Variants in DPP10 observed in about 807,000 individuals in gnomAD.
DPP10 encodes inactive dipeptidyl peptidase 10.
In DPP10, 33 loss-of-function variants were observed where a neutral mutation model predicts 120.9. The observed-to-expected ratio is 0.27, with a 90% CI of 0.21 to 0.37. DPP10 has a LOEUF of 0.37. Ranked by LOEUF, DPP10 falls within the 10% of genes least tolerant of loss-of-function variation. DPP10 has a pLI of 1.00. For synonymous variants in DPP10, 337 were observed against 326.1 expected (o/e 1.03, Z -0.36); for missense variants, 816 against 942.8 (o/e 0.87, Z 1.76).
chr2:115,685,543 GA>G (rs761878606), intron 5 of DPP10, among the ~76,000 whole-genome samples: 3 of 151,862 alleles, frequency 2.0e-5, no homozygotes, highest in Non-Finnish European at 4.4e-5. Context: ...CCTCATTTAT[GA>G]ACTTGCACAT....
At chr2:115,184,989 G>C (rs1258772842) in intron 1 of DPP10, among the ~76,000 whole-genome samples, 2 of 152,170 alleles carry the variant, frequency 1.3e-5, no homozygotes, top group Non-Finnish European at 1.5e-5. Context: ...TTATATAGCT[G>C]TCCTTTGTTG....
intron 5 of DPP10, among the ~76,000 whole-genome samples, chr2:115,534,038 T>A (rs1034672937): frequency 8.5e-5 from 13 of 152,096 alleles, no homozygotes; most frequent in Admixed American, 2.0e-4. Flanking sequence ...CATTTTTTGG[T>A]GAAAGTTACT....
intron 1 of DPP10, among the ~76,000 whole-genome samples, chr2:115,197,275 C>G (rs571074899): frequency 3.3e-5 from 5 of 152,042 alleles, no homozygotes; most frequent in Middle Eastern, 3.4e-3. Context: ...ACCTGTAGTC[C>G]CAGCTACTCA....
At chr2:114,573,151 G>A (rs1175625282) in intron 1 of DPP10, among the ~76,000 whole-genome samples, 1 of 152,046 alleles carries the variant, frequency 6.6e-6, no homozygotes, top group Non-Finnish European at 1.5e-5. Context: ...CCCAGCTAAT[G>A]TTTCCAGTTT....
chr2:115,829,200 A>T (rs1410040511), intron 21 of DPP10, among the ~76,000 whole-genome samples: 3 of 152,172 alleles, frequency 2.0e-5, no homozygotes, highest in Admixed American at 2.0e-4. Context: ...TTTAATAGAG[A>T]TGAGAGAGAT....
At chr2:115,102,655 C>T (rs912791398) in intron 1 of DPP10, among the ~76,000 whole-genome samples, 6 of 151,780 alleles carry the variant, frequency 4.0e-5, no homozygotes, top group South Asian at 4.2e-4. Flanking sequence ...GTGATCCACC[C>T]GCCTCGGCCT....
intron 3 of DPP10, among the ~76,000 whole-genome samples, chr2:115,408,405 A>G (rs1203014085): frequency 1.3e-5 from 2 of 152,042 alleles, no homozygotes; most frequent in Non-Finnish European, 2.9e-5. Flanking sequence ...AGGCTGTTTT[A>G]GTCTTGAAGG....
intron 1 of DPP10, among the ~76,000 whole-genome samples, chr2:115,096,117 A>T (rs752593825): frequency 1.3e-5 from 2 of 152,100 alleles, no homozygotes; most frequent in Non-Finnish European, 2.9e-5. Context: ...CAACACTTAG[A>T]CCCATAGTTC....
At chr2:114,535,149 T>C (rs1409195704) in intron 1 of DPP10, among the ~76,000 whole-genome samples, 2 of 152,152 alleles carry the variant, frequency 1.3e-5, no homozygotes, top group East Asian at 3.9e-4. Context: ...ACAAAATTAA[T>C]GTATGTGTTT....
intron 5 of DPP10, among the ~76,000 whole-genome samples, chr2:115,648,370 T>A (rs2149369647): frequency 1.3e-5 from 2 of 152,176 alleles, no homozygotes; most frequent in Middle Eastern, 3.4e-3. Flanking sequence ...TGACGATAGT[T>A]CATATCAATG....
At chr2:114,993,152 A>G (rs192887369) in intron 1 of DPP10, among the ~76,000 whole-genome samples, 1 of 152,272 alleles carries the variant, frequency 6.6e-6, no homozygotes, top group Admixed American at 6.5e-5. Context: ...AGAGTCAATA[A>G]CAAGAACAAC....
At chr2:115,452,945 A>G (rs927804604) in intron 3 of DPP10, among the ~76,000 whole-genome samples, 2 of 151,814 alleles carry the variant, frequency 1.3e-5, no homozygotes, top group Non-Finnish European at 2.9e-5. Context: ...CAATAGTAAG[A>G]ATTTTTACTT....
intron 1 of DPP10, among the ~76,000 whole-genome samples, chr2:115,045,253 G>T (rs370858912): frequency 1.2e-3 from 178 of 152,034 alleles, no homozygotes; most frequent in Non-Finnish European, 2.3e-3. Context: ...TTCTCTCCTG[G>T]ACTGATATAT....
chr2:114,913,574 A>T (rs1479220988), intron 1 of DPP10, among the ~76,000 whole-genome samples: 1 of 152,204 alleles, frequency 6.6e-6, no homozygotes, highest in African/African-American at 2.4e-5. Flanking sequence ...AAAAAGCCCC[A>T]TCCAAAGTGG....
chr2:114,943,379 T>C (rs1385676962), intron 1 of DPP10, among the ~76,000 whole-genome samples: 1 of 152,176 alleles, frequency 6.6e-6, no homozygotes, highest in Non-Finnish European at 1.5e-5. Flanking sequence ...GTTCAAGTGA[T>C]TCTCCTGCAT....
chr2:115,722,193 ACAGT>A (rs1195094665), intron 7 of DPP10, among the ~76,000 whole-genome samples: 4 of 152,012 alleles, frequency 2.6e-5, no homozygotes, highest in Admixed American at 2.0e-4. Context: ...CATTATACCT[ACAGT>A]CAATGATAAT....
chr2:115,100,820 C>G (rs1356177326), intron 1 of DPP10, among the ~76,000 whole-genome samples: 1 of 152,134 alleles, frequency 6.6e-6, no homozygotes, highest in Non-Finnish European at 1.5e-5. Flanking sequence ...TCTCCTTTTT[C>G]TCAGTCATAA....
chr2:114,563,322 AG>A (rs1386176716), intron 1 of DPP10, among the ~76,000 whole-genome samples: 1 of 151,662 alleles, frequency 6.6e-6, no homozygotes, highest in East Asian at 1.9e-4. Context: ...CAGTGCACTG[AG>A]ATGGTGCCAC....
At chr2:115,699,759 A>C (rs2149528631) in intron 7 of DPP10, among the ~76,000 whole-genome samples, 1 of 152,352 alleles carries the variant, frequency 6.6e-6, no homozygotes, top group Admixed American at 6.5e-5. Flanking sequence ...TTTCTTATGA[A>C]CATTTATGTA....
Sources: allele counts gnomAD v4.1 joint callset (sites outside exome capture counted in the v4.1 genomes callset), GRCh38; gene constraint gnomAD v4.1.1; transcripts MANE v1.5; gene names NCBI Gene and HGNC (gene_info 2026-07-23, HGNC 2026-07-21).